NADK2: variants seen among roughly 807,000 people sequenced by gnomAD.
The protein encoded by NADK2 is NAD kinase 2, mitochondrial.
In NADK2, 35 loss-of-function variants were observed where a neutral mutation model predicts 62.1. The ratio of observed to expected loss-of-function variants is 0.56; its 90% CI spans 0.43 to 0.75. The LOEUF (loss-of-function observed/expected upper bound fraction) is 0.75. Ranked by LOEUF, NADK2 falls within the 30% of genes least tolerant of loss-of-function variation. The pLI is 0.00. For synonymous variants in NADK2, 205 were observed against 207.9 expected (o/e 0.99, Z 0.12); for missense variants, 439 against 561.3 (o/e 0.78, Z 2.20).
chr5:36,219,805 C>T lies in NADK2; in HGVS notation c.561-126G>A, dbSNP rs1169679232. ...AAATGAAATTCTAAAAATGTCTACC[C>T]TATATTCCATTTTTTGCCACAAAAT... On this transcript the variant is annotated intron_variant, in intron 4 of 11. Transcript: ENST00000381937. 6.0e-6 allele frequency: 4 copies of T among 669,284 alleles called. No individual in the cohort carries two copies. In the Admixed American group the frequency reaches 9.3e-5, roughly 15 times the overall value. 41.5% of individuals were successfully genotyped at this position (669,284 alleles called of 1,614,324 possible). A position where few individuals can be genotyped will look rare whatever the true frequency, so the allele number is the denominator to read the frequency against.
chr5:36,229,150 C>T (rs1417956222), intron 1 of NADK2, among the ~76,000 whole-genome samples: 1 of 152,048 alleles, frequency 6.6e-6, no homozygotes, highest in African/African-American at 2.4e-5. Flanking sequence ...CCATCTTTTG[C>T]CTACGAATAC....
At chr5:36,211,426 G>A (rs1746837035) in intron 7 of NADK2, among the ~76,000 whole-genome samples, 1 of 151,910 alleles carries the variant, frequency 6.6e-6, no homozygotes, top group Non-Finnish European at 1.5e-5. Flanking sequence ...GTGGTGGCAT[G>A]CACCTGTAGT....
In NADK2 at chr5:36,241,805, C is replaced by G; in HGVS notation, c.-7G>C. 7.6e-7 allele frequency: 1 copy of G among 1,315,822 alleles called. No homozygotes were observed. Among genetic ancestry groups the G allele is most frequent in the South Asian group, 1.9e-5 (1 of 53,334 alleles). 81.5% of individuals were successfully genotyped at this position (1,315,822 alleles called of 1,614,324 possible). A position where few individuals can be genotyped will look rare whatever the true frequency, so the allele number is the denominator to read the frequency against. ...AGCCTCGGTAGCAAGTCATCGTGGG[C>G]CGGGCCGCGGCCGCGGGCTTGGGCT... On this transcript the variant is annotated 5_prime_UTR_variant, in exon 1 of 12. Transcript: ENST00000381937. This position sits in a 1 kb window ranked among gnomAD's most constrained non-coding sequence, Gnocchi z 4.9.
intron 4 of NADK2, among the ~76,000 whole-genome samples, chr5:36,224,116 A>G (rs1747381672): frequency 6.6e-6 from 1 of 152,166 alleles, no homozygotes; most frequent in Non-Finnish European, 1.5e-5. Context: ...AGAGATGAGT[A>G]GGGCTACATA....
intron 1 of NADK2, among the ~76,000 whole-genome samples, chr5:36,229,753 C>G (rs1159276792): frequency 6.6e-6 from 1 of 150,824 alleles, no homozygotes; most frequent in African/African-American, 2.4e-5. Flanking sequence ...GGCTATCTAA[C>G]AGGCACCTCA....
chr5:36,198,378 T>C (rs1474201510), intron 10 of NADK2, among the ~76,000 whole-genome samples: 1 of 151,722 alleles, frequency 6.6e-6, no homozygotes, highest in African/African-American at 2.4e-5. Context: ...CCCACAAAAA[T>C]AAAATTTGGC....
chr5:36,238,356 T>C (rs1369335750), intron 1 of NADK2, among the ~76,000 whole-genome samples: 2 of 152,158 alleles, frequency 1.3e-5, no homozygotes, highest in Admixed American at 6.5e-5. Flanking sequence ...TATCCCATTA[T>C]GAATTTTAAA....
chr5:36,237,805 T>C (rs531778914), intron 1 of NADK2, among the ~76,000 whole-genome samples: 136 of 152,258 alleles, frequency 8.9e-4, no homozygotes, highest in Non-Finnish European at 1.6e-3. Flanking sequence ...ATAAAACACA[T>C]CCCTGGAATT....
chr5:36,241,894 A>C lies in NADK2; in HGVS notation c.-96T>G. The C allele has an allele frequency of 1.0e-6, 1 of 988,720 alleles. No homozygotes were observed. The highest frequency in any genetic ancestry group is 1.2e-6 in the Non-Finnish European group (1 of 814,126). The allele number at this position is 988,720 out of a possible 1,614,324, so 61.2% of individuals were successfully genotyped here. ...CGCCGTCCGCGCCGCCCGGGCCTCT[A>C]ACTTCGCGCCGGACGGGCAGAGGTT... On this transcript the variant is annotated 5_prime_UTR_variant, in exon 1 of 12. Transcript: ENST00000381937. This position sits in a 1 kb window ranked among gnomAD's most constrained non-coding sequence, Gnocchi z 4.9.
chr5:36,228,435 C>CT (rs1312807595), intron 1 of NADK2, among the ~76,000 whole-genome samples: 29 of 151,640 alleles, frequency 1.9e-4, no homozygotes, highest in East Asian at 5.8e-4. Flanking sequence ...TTTTTCTTTT[C>CT]TTTTTTTTGT....
In NADK2 at chr5:36,194,200, C is replaced by T. The variant is rs1746139367; in HGVS notation, c.*944G>A. 1 of 151,850 alleles carries T rather than the reference C, an allele frequency of 6.6e-6. No individual in the cohort carries two copies. The allele number at this position is 151,850 out of a possible 1,614,324, so 9.4% of individuals were successfully genotyped here. ...TGGAATATAAGCTAGGTGAAAACCA[C>T]AATACTAAGGAAGGCAATTCCAAAA... On this transcript the variant is annotated 3_prime_UTR_variant, in exon 12 of 12. Coordinates refer to ENST00000381937, the MANE Select transcript of NADK2 (RefSeq NM_001085411.3).
chr5:36,235,906 TA>T (rs869174817), intron 1 of NADK2, among the ~76,000 whole-genome samples: 6 of 2,798 alleles, frequency 2.1e-3, no homozygotes, highest in South Asian at 0.062. Context: ...TATATATATA[TA>T]AAAAATAAAT....
intron 8 of NADK2, 117 bp downstream of exon 8, chr5:36,207,052 CT>C: frequency 1.3e-6 from 1 of 752,104 alleles, no homozygotes; most frequent in South Asian, 1.6e-5. Flanking sequence ...GAAACTTGGC[CT>C]ACCTACATAA....
chr5:36,234,719 G>A (rs1470774535), intron 1 of NADK2, among the ~76,000 whole-genome samples: 2 of 152,178 alleles, frequency 1.3e-5, no homozygotes, highest in East Asian at 3.8e-4. Context: ...ATTAATAGCT[G>A]TTAAGTCTAG....
chr5:36,217,600 A>C, intron 6 of NADK2, 148 bp downstream of exon 6: 1 of 820,870 alleles, frequency 1.2e-6, no homozygotes, highest in Non-Finnish European at 1.9e-6. Context: ...GATTCTAATA[A>C]ACTTTACAAC....
intron 2 of NADK2, 36 bp downstream of exon 2, chr5:36,227,441 T>A: frequency 8.9e-7 from 1 of 1,118,386 alleles, no homozygotes; most frequent in Non-Finnish European, 1.2e-6. Flanking sequence ...GTCCTGAATA[T>A]AAAATCCAAC....
intron 8 of NADK2, among the ~76,000 whole-genome samples, chr5:36,203,702 T>C (rs940160465): frequency 1.1e-4 from 17 of 152,094 alleles, no homozygotes; most frequent in African/African-American, 3.9e-4. Flanking sequence ...TTTAAAAGCA[T>C]TGTAGTGGCT....
At chr5:36,207,899 C>G (rs1490336884) in intron 7 of NADK2, among the ~76,000 whole-genome samples, 1 of 152,030 alleles carries the variant, frequency 6.6e-6, no homozygotes, top group African/African-American at 2.4e-5. Context: ...AATATGAAAT[C>G]AAATGGGTTT....
At chr5:36,204,016 CTT>C (rs1746543993) in intron 8 of NADK2, among the ~76,000 whole-genome samples, 2 of 152,146 alleles carry the variant, frequency 1.3e-5, no homozygotes, top group Non-Finnish European at 2.9e-5. Context: ...CACACCTGTG[CTT>C]ATATCCAGGT....
Sources: gnomAD v4.1 joint callset for allele counts (sites outside exome capture counted in the v4.1 genomes callset) on GRCh38, gnomAD v4.1.1 for gene constraint, Gnocchi (gnomAD v3.1) non-coding constraint, MANE v1.5 for transcripts, NCBI Gene and HGNC (gene_info 2026-07-23, HGNC 2026-07-21) for gene names.